LACTB2: variants seen among roughly 807,000 people sequenced by gnomAD.
LACTB2 encodes endoribonuclease LACTB2.
Under a neutral mutation model 34.8 loss-of-function variants are expected in LACTB2, and 32 were observed. That is an observed-to-expected ratio of 0.92 (90% CI 0.69 to 1.24). The LOEUF (loss-of-function observed/expected upper bound fraction) is 1.24, where lower values mean the gene tolerates loss of function less well. LACTB2 is among the 50% of genes most tolerant of loss of function. LACTB2 has a pLI of 0.00. For synonymous variants in LACTB2, 120 were observed against 117.5 expected (o/e 1.02, Z -0.14); for missense variants, 320 against 345.0 (o/e 0.93, Z 0.57).
intron 5 of LACTB2, among the ~76,000 whole-genome samples, chr8:70,639,412 G>A (rs963006868): frequency 2.6e-5 from 4 of 151,702 alleles, no homozygotes; most frequent in Admixed American, 6.6e-5. Flanking sequence ...CGCCCGCCTC[G>A]GCCTCCCAAA....
intron 4 of LACTB2, 64 bp from the exon 5 acceptor site, chr8:70,641,114 C>T: frequency 7.6e-7 from 1 of 1,322,550 alleles, no homozygotes; most frequent in Non-Finnish European, 1.0e-6. Flanking sequence ...ACAACAGAAG[C>T]TAACTCACTC....
intron 5 of LACTB2, among the ~76,000 whole-genome samples, chr8:70,639,164 T>C (rs901647517): frequency 6.6e-6 from 1 of 152,046 alleles, no homozygotes; most frequent in African/African-American, 2.4e-5. Context: ...ACAGTAGCAG[T>C]ATCTTTTTTT....
intron 3 of LACTB2, among the ~76,000 whole-genome samples, chr8:70,650,249 T>C (rs1818322010): frequency 6.6e-6 from 1 of 151,166 alleles, no homozygotes; most frequent in African/African-American, 2.4e-5. Flanking sequence ...CTATAAAAAG[T>C]AGTATACAGA....
chr8:70,656,066 G>T (rs938904721), intron 3 of LACTB2, among the ~76,000 whole-genome samples: 6 of 152,044 alleles, frequency 3.9e-5, no homozygotes, highest in Admixed American at 1.3e-4. Flanking sequence ...TGTGTTCATT[G>T]TAGATTCTGG....
chr8:70,656,899 G>A (rs1365342723), intron 3 of LACTB2, among the ~76,000 whole-genome samples: 1 of 152,072 alleles, frequency 6.6e-6, no homozygotes, highest in Non-Finnish European at 1.5e-5. Context: ...GGCAAGGGGA[G>A]GGGGATGGTA....
rs1267153274 is a variant in LACTB2 at position 70,644,731 on chromosome 8, C to T, written c.414-488G>A. Among the ~76,000 whole-genome samples, 8 of 152,212 alleles carry T rather than the reference C, an allele frequency of 5.3e-5. No individual in the cohort carries two copies. The South Asian group carries it at 1.5e-3, about 28-fold the overall frequency. On this transcript the variant is annotated intron_variant, in intron 3 of 6. Coordinates refer to ENST00000276590, the MANE Select transcript of LACTB2 (RefSeq NM_016027.3). ...TTAGACTCAAGCAATCCTACCACCT[C>T]GGCCTCCCAAAGTGCTGGGATTACA...
intron 4 of LACTB2, among the ~76,000 whole-genome samples, chr8:70,641,464 A>G (rs1463565097): frequency 6.6e-6 from 1 of 152,230 alleles, no homozygotes; most frequent in Non-Finnish European, 1.5e-5. Context: ...CACATTTCTT[A>G]TGGTAGAAAC....
chr8:70,656,868 A>T (rs758748932), intron 3 of LACTB2, among the ~76,000 whole-genome samples: 12 of 152,056 alleles, frequency 7.9e-5, no homozygotes, highest in Non-Finnish European at 1.8e-4. Flanking sequence ...TGATGTAAAA[A>T]CTAACCTGAT....
At position 70,657,761 on chromosome 8, in the gene LACTB2, A is replaced by G; in HGVS notation, c.408T>C (p.Thr136=). The G allele has an allele frequency of 1.2e-6, 2 of 1,611,788 alleles. No individual in the cohort carries two copies. Among genetic ancestry groups the G allele is most frequent in the South Asian group, 2.2e-5 (2 of 90,824 alleles). The change falls in exon 3 of 7, where the codon ACT becomes ACC. Residue 136 remains threonine (T), a synonymous_variant. Coordinates refer to ENST00000276590, the MANE Select transcript of LACTB2 (RefSeq NM_016027.3). ...DGDVIKTEGA[T]LRVLYTPGHT... ...GCTAAGGGACATTTACTTACCTTAG[A>G]GTGGCTCCCTCAGTCTTAATCACAT...
At chr8:70,641,267 T>C (rs1036575327) in intron 4 of LACTB2, among the ~76,000 whole-genome samples, 3 of 152,266 alleles carry the variant, frequency 2.0e-5, no homozygotes, top group East Asian at 3.9e-4. Context: ...ATACAATCTA[T>C]AGAAAATATT....
chr8:70,663,117 T>C (rs1818499994), intron 1 of LACTB2: 1 of 152,236 alleles, frequency 6.6e-6, no homozygotes, highest in African/African-American at 2.4e-5. Flanking sequence ...TAACTGTTTA[T>C]GGATTACCTA....
chr8:70,638,252 G>A (rs139580855), intron 6 of LACTB2, among the ~76,000 whole-genome samples: 20 of 152,214 alleles, frequency 1.3e-4, no homozygotes, highest in Admixed American at 2.6e-4. Flanking sequence ...GAAATTCTTC[G>A]TGGTTTTTGG....
At chr8:70,666,196 C>T (rs1185130926) in intron 1 of LACTB2, among the ~76,000 whole-genome samples, 1 of 152,140 alleles carries the variant, frequency 6.6e-6, no homozygotes, top group African/African-American at 2.4e-5. Flanking sequence ...GGGATATAGC[C>T]ATGAATATGC....
intron 1 of LACTB2, 54 bp downstream of exon 1, chr8:70,668,945 C>A: frequency 1.3e-6 from 2 of 1,548,916 alleles, no homozygotes; most frequent in Non-Finnish European, 1.7e-6. Context: ...TCAGTCAAAG[C>A]CCGGGCTCCG....
intron 3 of LACTB2, among the ~76,000 whole-genome samples, chr8:70,655,942 T>C (rs1377680787): frequency 6.6e-6 from 1 of 152,240 alleles, no homozygotes; most frequent in Non-Finnish European, 1.5e-5. Context: ...TGTATTTCCC[T>C]GATCATTAGT....
intron 1 of LACTB2, among the ~76,000 whole-genome samples, chr8:70,665,454 T>C (rs983557273): frequency 2.0e-5 from 3 of 152,220 alleles, no homozygotes; most frequent in Non-Finnish European, 4.4e-5. Context: ...TGGTCTCTAT[T>C]TGCTGTCACT....
At chr8:70,649,652 A>T (rs893763765) in intron 3 of LACTB2, among the ~76,000 whole-genome samples, 2 of 152,162 alleles carry the variant, frequency 1.3e-5, no homozygotes, top group Non-Finnish European at 2.9e-5. Context: ...CCCAATTCTA[A>T]TTTTTTCTTA....
rs552036462 is a variant in LACTB2, at chr8:70,650,172, A to C, written c.414-5929T>G. ...CTAAGTAAACCTGTCTTTTTACAAG[A>C]TGATCTGATTATAGTTTAATTTAGA... On this transcript the variant is annotated intron_variant, in intron 3 of 6. Transcript: ENST00000276590. Among the ~76,000 whole-genome samples the C allele has an allele frequency of 3.3e-5, 5 of 152,226 alleles. No homozygotes were observed. In the East Asian group the frequency reaches 9.7e-4, roughly 29 times the overall value.
At chr8:70,657,633 G>T in intron 3 of LACTB2, 123 bp downstream of exon 3, 3 of 909,820 alleles carry the variant, frequency 3.3e-6, no homozygotes, top group Non-Finnish European at 4.7e-6. Context: ...GGCTGGTCTT[G>T]AACTCCTGGG....
Sources: gnomAD v4.1 joint callset for allele counts (sites outside exome capture counted in the v4.1 genomes callset) on GRCh38, gnomAD v4.1.1 for gene constraint, MANE v1.5 for transcripts, NCBI Gene and HGNC (gene_info 2026-07-23, HGNC 2026-07-21) for gene names.